The following GPD1 variants were observed in gnomAD, a reference collection of about 807,000 sequenced individuals.
GPD1 encodes glycerol-3-phosphate dehydrogenase 1, also known as glycerol-3-phosphate dehydrogenase [NAD(+)], cytoplasmic.
A neutral mutation model predicts 34.4 loss-of-function variants in GPD1; 19 were observed. The ratio of observed to expected loss-of-function variants is 0.55; its 90% CI spans 0.39 to 0.81. The LOEUF is 0.81. Among genes scored for constraint, GPD1 ranks in the 30% least tolerant of loss-of-function variants. The probability of loss-of-function intolerance (pLI) is 0.00; values close to 1 mark genes in which losing one functional copy is unlikely to be tolerated. For missense variants in GPD1, 429 were observed against 447.0 expected (o/e 0.96, Z 0.36); for synonymous variants, 172 against 174.1 (o/e 0.99, Z 0.09).
At chr12:50,107,450 C>T in intron 5 of GPD1, 117 bp from the exon 6 acceptor site, 5 of 858,460 alleles carry the variant, frequency 5.8e-6, no homozygotes, top group Non-Finnish European at 6.0e-6. Context: ...TAAAAGGCCA[C>T]ACACTATACC....
At chr12:50,104,505 TG>T (rs1414626995) in intron 1 of GPD1, 68 bp from the exon 2 acceptor site, 1 of 1,212,424 alleles carries the variant, frequency 8.2e-7, no homozygotes, top group Non-Finnish European at 1.2e-6. Flanking sequence ...GATCCTGAGG[TG>T]GGGCGCTGCC....
intron 2 of GPD1, chr12:50,105,104 T>C (rs1170644420): frequency 3.2e-6 from 1 of 308,396 alleles, no homozygotes; most frequent in Admixed American, 4.6e-5. Flanking sequence ...TCCTTGGACT[T>C]ACGGTCTTTG....
Position 50,107,741 on chromosome 12 carries a change from A to T in GPD1, c.787A>T (p.Thr263Ser), listed in dbSNP as rs1176541168. The T allele has an allele frequency of 6.2e-7, 1 of 1,614,102 alleles. No homozygotes were observed. The highest frequency in any genetic ancestry group is 1.1e-5 in the South Asian group (1 of 91,082). Reference sequence around the variant, plus strand: ...GAGCTGTGGTGTTGCTGACCTGATCACTACCTGCTATGGAGGGCGGAACCG... The same window carrying T: ...GAGCTGTGGTGTTGCTGACCTGATCTCTACCTGCTATGGAGGGCGGAACCG... ...LESCGVADLITTCYGGRNRKV... is the reference protein window; with the variant it reads ...LESCGVADLISTCYGGRNRKV... Residue 263 changes from threonine to serine, a missense_variant, in exon 6 of 8, where the codon ACT becomes TCT. Physicochemically the swap from Thr to Ser is moderately conservative, Grantham distance 58 (BLOSUM62 1). Coordinates refer to ENST00000301149, the MANE Select transcript of GPD1 (RefSeq NM_005276.4).
intron 6 of GPD1, 84 bp from the exon 7 acceptor site, chr12:50,107,940 C>T (rs1057358556): frequency 9.7e-7 from 1 of 1,031,834 alleles, no homozygotes; most frequent in African/African-American, 1.6e-5. Flanking sequence ...CAAGACCCCA[C>T]TCCCATCTGA....
rs764224317 is a variant in GPD1, at chr12:50,106,910, C to T, written c.605C>T (p.Ala202Val). 3 of 1,597,752 alleles carry T rather than the reference C, an allele frequency of 1.9e-6. No homozygotes were observed. The highest frequency in any genetic ancestry group is 2.6e-6 in the Non-Finnish European group (3 of 1,165,110). Residue 202 changes from alanine to valine, a missense_variant, in exon 5 of 8, where the codon GCC becomes GTC. Transcript: ENST00000301149. ...QEVDTVEICG[A>V]LKNVVAVGAG... ...GTGGACACAGTAGAGATCTGTGGAG[C>T]CTTAAAGGTGAGAGGGGCACAGAGG...
intron 5 of GPD1, 119 bp from the exon 6 acceptor site, chr12:50,107,448 C>T: frequency 2.3e-6 from 2 of 851,906 alleles, no homozygotes; most frequent in Admixed American, 1.7e-5. Context: ...TCTAAAAGGC[C>T]ACACACTATA....
chr12:50,104,548 C>CT (rs1202714762), intron 1 of GPD1, 26 bp from the exon 2 acceptor site: 1 of 1,597,128 alleles, frequency 6.3e-7, no homozygotes, highest in Non-Finnish European at 8.6e-7. Flanking sequence ...TCCTCCTGTA[C>CT]TTTCCTGTGC....
intron 3 of GPD1, 28 bp downstream of exon 3, chr12:50,105,716 G>A (rs761496413): frequency 6.2e-7 from 1 of 1,611,368 alleles, no homozygotes; most frequent in South Asian, 1.1e-5. Flanking sequence ...ATGTGGATGG[G>A]GGAGGGTGCG....
rs373671817 is a variant in GPD1 at position 50,110,007 on chromosome 12, C to A, written c.*488C>A. On this transcript the variant is annotated 3_prime_UTR_variant, in exon 8 of 8. Transcript: ENST00000301149. Reference sequence around the variant, plus strand: ...TCTGAGCTGATGCAGGCCCCAAGGACCCCTTTGCTGACCTCTGCCAGGACC... The same window carrying A: ...TCTGAGCTGATGCAGGCCCCAAGGAACCCTTTGCTGACCTCTGCCAGGACC... 163 of 155,142 alleles carry A rather than the reference C, an allele frequency of 1.1e-3. 2 individuals are homozygous for A. The South Asian group carries it at 0.03, about 29-fold the overall frequency. 9.6% of individuals were successfully genotyped at this position (155,142 alleles called of 1,614,324 possible).
chr12:50,109,060 G>C (rs1367949954), intron 7 of GPD1, among the ~76,000 whole-genome samples: 4 of 151,662 alleles, frequency 2.6e-5, no homozygotes, highest in Non-Finnish European at 4.4e-5. Flanking sequence ...GCTTGAACCT[G>C]GGAGGCGGAG....
rs1052813941 is a variant in GPD1 at position 50,109,684 on chromosome 12, C to T, written c.*165C>T. The T allele has an allele frequency of 1.7e-6, 1 of 581,706 alleles. No individual in the cohort carries two copies. The highest frequency in any genetic ancestry group is 3.1e-6 in the Non-Finnish European group (1 of 324,176). The allele number at this position is 581,706 out of a possible 1,614,324, so 36.0% of individuals were successfully genotyped here. ...GGGGCCCAGCTACGCACCTGGAGAT[C>T]CTGAACTGTCAAGCCACTGGCAGCC... On this transcript the variant is annotated 3_prime_UTR_variant, in exon 8 of 8. Transcript: ENST00000301149.
rs746535548 is a variant in GPD1 at position 50,108,032 on chromosome 12, G to A, written c.855G>A (p.Glu285=). 2 of 1,607,614 alleles carry A rather than the reference G, an allele frequency of 1.2e-6. No homozygotes were observed. The highest frequency in any genetic ancestry group is 8.5e-7 in the Non-Finnish European group (1 of 1,174,906). ...EAFARTGKSI[E]QLEKELLNGQ... ...TCCTGTTTTCTGCACAGTCCATTGA[G>A]CAGCTGGAGAAAGAGTTGCTGAATG... Residue 285 remains glutamate, a synonymous_variant, in exon 7 of 8, where the codon GAG becomes GAA. Coordinates refer to ENST00000301149, the MANE Select transcript of GPD1 (RefSeq NM_005276.4).
At chr12:50,106,568 C>A (rs945218323) in intron 4 of GPD1, 142 bp downstream of exon 4, 10 of 858,990 alleles carry the variant, frequency 1.2e-5, no homozygotes, top group African/African-American at 3.4e-5. Context: ...GGCTGGGACA[C>A]CCCCAGGGAA....
chr12:50,106,447 G>A (rs750687479), intron 4 of GPD1, 21 bp downstream of exon 4: 10 of 1,607,302 alleles, frequency 6.2e-6, no homozygotes, highest in African/African-American at 1.3e-5. Flanking sequence ...CCTGGCACCT[G>A]CATACACAGT....
Position 50,104,615 on chromosome 12 carries a change from A to G in GPD1, c.83A>G (p.Gln28Arg), listed in dbSNP as rs948323715. ...IAKIVGGNAA[Q>R]LAQFDPRVTM... ...AAGATCGTGGGTGGCAATGCAGCCC[A>G]GCTGGCACAGTTTGACCCACGGGTG... is the stretch of plus-strand genomic sequence containing the variant. Residue 28 changes from glutamine to arginine, a missense_variant, in exon 2 of 8, where the codon CAG becomes CGG. Coordinates refer to ENST00000301149, the MANE Select transcript of GPD1 (RefSeq NM_005276.4). 1 of 1,614,024 alleles carries G rather than the reference A, an allele frequency of 6.2e-7. No individual in the cohort carries two copies. Among genetic ancestry groups the G allele is most frequent in the African/African-American group, 1.3e-5 (1 of 75,064 alleles).
At position 50,104,863 on chromosome 12, in the gene GPD1, G is replaced by A; in HGVS notation, c.219+112G>A. The A allele has an allele frequency of 9.5e-6, 8 of 840,802 alleles. 1 individual carries two copies. Among genetic ancestry groups the A allele is most frequent in the Non-Finnish European group, 1.5e-5 (8 of 520,408 alleles). 52.1% of individuals were successfully genotyped at this position (840,802 alleles called of 1,614,324 possible). A position where few individuals can be genotyped will look rare whatever the true frequency, so the allele number is the denominator to read the frequency against. ...GAGAGGGCCGCTTCAGGTGCAGCAG[G>A]ACTTGGGAAGGTCTCAGGAGGGCTG... On this transcript the variant is annotated intron_variant, in intron 2 of 7. Transcript: ENST00000301149.
Position 50,109,599 on chromosome 12 carries a change from T to G in GPD1, c.*80T>G, listed in dbSNP as rs1426559616. The G allele has an allele frequency of 2.6e-6, 2 of 759,388 alleles. No homozygotes were observed. Among genetic ancestry groups the G allele is most frequent in the African/African-American group, 3.4e-5 (2 of 58,760 alleles). The allele number at this position is 759,388 out of a possible 1,614,324, so 47.0% of individuals were successfully genotyped here. A position where few individuals can be genotyped will look rare whatever the true frequency, so the allele number is the denominator to read the frequency against. On this transcript the variant is annotated 3_prime_UTR_variant, in exon 8 of 8. Transcript: ENST00000301149. Reference sequence around the variant, plus strand: ...AGCCTGGGGTACCTAGTCACCAGGATCTCCAGGACTCCCAGGGAGCAGAGT... The same window carrying G: ...AGCCTGGGGTACCTAGTCACCAGGAGCTCCAGGACTCCCAGGGAGCAGAGT...
At chr12:50,108,152 A>C in intron 7 of GPD1, 22 bp downstream of exon 7, 1 of 1,358,642 alleles carries the variant, frequency 7.4e-7, no homozygotes. Context: ...CCACAGCCCC[A>C]CTGATTAAGG....
At chr12:50,104,276 C>T in intron 1 of GPD1, 185 bp downstream of exon 1, 4 of 705,372 alleles carry the variant, frequency 5.7e-6, no homozygotes, top group South Asian at 3.1e-5. Context: ...TGGGCAGCTG[C>T]ACCTGTTCAC....
Sources: gnomAD v4.1 joint callset for allele counts (sites outside exome capture counted in the v4.1 genomes callset) on GRCh38, gnomAD v4.1.1 for gene constraint, MANE v1.5 for transcripts, NCBI Gene and HGNC (gene_info 2026-07-23, HGNC 2026-07-21) for gene names.